The following NAV3 variants were observed in gnomAD, a reference collection of about 807,000 sequenced individuals.
NAV3 encodes neuron navigator 3.
NAV3 carries 87 observed loss-of-function variants against 244.7 expected under a neutral mutation model. The observed-to-expected ratio is 0.36, with a 90% CI of 0.30 to 0.42. The LOEUF (loss-of-function observed/expected upper bound fraction) is 0.42, where lower values mean the gene tolerates loss of function less well. Ranked by LOEUF, NAV3 falls within the 20% of genes least tolerant of loss-of-function variation. The probability of loss-of-function intolerance (pLI) is 1.00; values close to 1 mark genes in which losing one functional copy is unlikely to be tolerated. For missense variants in NAV3, 2,663 were observed against 2,893.3 expected (o/e 0.92, Z 1.83); for synonymous variants, 1,126 against 1,042.2 (o/e 1.08, Z -1.55).
In NAV3 at chr12:78,088,558, TAAAA is replaced by T. The variant is rs111494718; in HGVS notation, c.2637-28210_2637-28207del. On this transcript the variant is annotated intron_variant, in intron 12 of 39. Transcript: ENST00000397909. ...TAGTGTCCTCATTCTAAAGGAAAAA[TAAAA>T]AAATCTTCATTCTACTTGTTTCTTC... 8.4e-3 allele frequency among the ~76,000 whole-genome samples: 1,277 copies of T among 152,086 alleles called. 16 individuals carry two copies. The highest frequency in any genetic ancestry group is 0.028 in the African/African-American group (1,166 of 41,502).
intron 18 of NAV3, among the ~76,000 whole-genome samples, chr12:78,132,290 T>G (rs564209097): frequency 6.6e-6 from 1 of 152,292 alleles, no homozygotes; most frequent in South Asian, 2.1e-4. Context: ...TCTAATGAAT[T>G]AGAAAACCAC....
chr12:77,926,818 G>A (rs578141303), intron 1 of NAV3, among the ~76,000 whole-genome samples: 5 of 152,262 alleles, frequency 3.3e-5, no homozygotes, highest in African/African-American at 9.6e-5. Flanking sequence ...TGAGAACTAC[G>A]GTCTACGCTA....
At chr12:77,797,696 C>G (rs1292363583) in intron 2 of NAV3, among the ~76,000 whole-genome samples, 1 of 150,400 alleles carries the variant, frequency 6.6e-6, no homozygotes, top group Non-Finnish European at 1.5e-5. Context: ...CAACAATTAG[C>G]CAGGGGTGGT....
intron 5 of NAV3, among the ~76,000 whole-genome samples, chr12:77,972,141 T>C (rs534964464): frequency 1.3e-5 from 2 of 152,276 alleles, no homozygotes; most frequent in African/African-American, 4.8e-5. Flanking sequence ...TTTGAGTGTA[T>C]GTATCTATAG....
chr12:77,996,290 A>G (rs1255697997), intron 6 of NAV3, among the ~76,000 whole-genome samples: 2 of 152,146 alleles, frequency 1.3e-5, no homozygotes, highest in Non-Finnish European at 2.9e-5. Context: ...GGTTCCTTCA[A>G]CAGAGTGCAA....
At chr12:77,969,537 A>G (rs1329685646) in intron 5 of NAV3, among the ~76,000 whole-genome samples, 1 of 152,140 alleles carries the variant, frequency 6.6e-6, no homozygotes, top group African/African-American at 2.4e-5. Context: ...AGGAAGCCTC[A>G]GTTCTGCTTT....
At chr12:77,745,862 T>A (rs1868511587) in intron 2 of NAV3, among the ~76,000 whole-genome samples, 1 of 151,590 alleles carries the variant, frequency 6.6e-6, no homozygotes, top group Admixed American at 6.6e-5. Context: ...GGAATAACAG[T>A]GAACTCTCAA....
At chr12:77,927,434 G>C (rs1296019388) in intron 1 of NAV3, among the ~76,000 whole-genome samples, 1 of 152,182 alleles carries the variant, frequency 6.6e-6, no homozygotes, top group African/African-American at 2.4e-5. Context: ...GAAAGTATGG[G>C]TTCTATGTAG....
At chr12:77,643,213 C>T (rs116532507) in intron 2 of NAV3, among the ~76,000 whole-genome samples, 3,912 of 151,972 alleles carry the variant, frequency 0.026, 172 homozygotes, top group African/African-American at 0.088. Flanking sequence ...GCTTTAGTCT[C>T]GTATATTAGT....
chr12:77,914,369 C>T (rs1187095162), intron 1 of NAV3, among the ~76,000 whole-genome samples: 1 of 152,046 alleles, frequency 6.6e-6, no homozygotes, highest in Admixed American at 6.6e-5. Context: ...ATTTATACTG[C>T]TTGTGCTTCA....
At position 78,007,064 on chromosome 12, in the gene NAV3, G is replaced by A. The variant is rs1240284864; in HGVS notation, c.1526G>A (p.Gly509Asp). 3.1e-6 allele frequency: 5 copies of A among 1,614,034 alleles called. No individual in the cohort carries two copies. Among genetic ancestry groups the A allele is most frequent in the African/African-American group, 2.7e-5 (2 of 74,924 alleles). The change falls in exon 8 of 40, where the codon GGC (glycine) becomes GAC (aspartate). Residue 509 changes from glycine to aspartate, a missense_variant. Around this residue, in one of 6 missense-constraint regions of NAV3, gnomAD observed 1,521 missense variants for 1,497.0 expected, o/e 1.02. Coordinates refer to ENST00000397909, the MANE Select transcript of NAV3 (RefSeq NM_001024383.2). ...AAAATTGCAAGCTTGATCCCTAAGG[G>A]CAGCAAGACAACAGCAGCTAAGAAG... ...TSKIASLIPK[G>D]SKTTAAKKES...
intron 1 of NAV3, among the ~76,000 whole-genome samples, chr12:77,837,934 G>A (rs1290442282): frequency 2.0e-5 from 3 of 152,144 alleles, no homozygotes; most frequent in Non-Finnish European, 1.5e-5. Context: ...TAGATCACTG[G>A]CTCTGGCCTC....
chr12:77,615,517 G>T (rs959101228), intron 2 of NAV3, among the ~76,000 whole-genome samples: 1 of 152,118 alleles, frequency 6.6e-6, no homozygotes, highest in Non-Finnish European at 1.5e-5. Context: ...ATGATCTCCA[G>T]CTGCATCCTT....
chr12:77,972,121 C>A (rs1893044340), intron 5 of NAV3, among the ~76,000 whole-genome samples: 1 of 152,110 alleles, frequency 6.6e-6, no homozygotes, highest in Non-Finnish European at 1.5e-5. Context: ...CTCTCAGCTC[C>A]CTCTCCACCT....
At chr12:78,190,462 T>A (rs142692806) in intron 34 of NAV3, among the ~76,000 whole-genome samples, 39 of 152,126 alleles carry the variant, frequency 2.6e-4, no homozygotes, top group African/African-American at 9.1e-4. Context: ...CAGAATAATA[T>A]GACAGGTCTC....
At chr12:77,620,730 G>C (rs941157423) in intron 2 of NAV3, among the ~76,000 whole-genome samples, 1 of 152,118 alleles carries the variant, frequency 6.6e-6, no homozygotes, top group Non-Finnish European at 1.5e-5. Context: ...CCAAAGTGCT[G>C]GGATTGCAGG....
At chr12:77,598,007 A>C (rs1020291137) in intron 2 of NAV3, among the ~76,000 whole-genome samples, 2 of 152,088 alleles carry the variant, frequency 1.3e-5, no homozygotes, top group Non-Finnish European at 2.9e-5. Flanking sequence ...ACACTGAAAA[A>C]AATACATCCC....
At position 77,758,292 on chromosome 12, in the gene NAV3, TC is replaced by T. The variant is rs1869287462; in HGVS notation, c.73-182026del. On this transcript the variant is annotated intron_variant, in intron 2 of 8. Coordinates refer to the NAV3 transcript ENST00000550042. Reference sequence around the variant, plus strand: ...TTGTTGTTTACTGATTTATGCATTGTCTTCCCTCTAGAATTTAAACTCCAAA... The same window carrying T: ...TTGTTGTTTACTGATTTATGCATTGTTTCCCTCTAGAATTTAAACTCCAAA... Among the ~76,000 whole-genome samples, 3 of 152,288 alleles carry T rather than the reference TC, an allele frequency of 2.0e-5. No individual in the cohort carries two copies. The South Asian group carries it at 6.2e-4, about 32-fold the overall frequency.
intron 2 of NAV3, among the ~76,000 whole-genome samples, chr12:77,766,488 GCTGT>G (rs1869758014): frequency 6.6e-6 from 1 of 152,064 alleles, no homozygotes; most frequent in Non-Finnish European, 1.5e-5. Flanking sequence ...TCATCAACTT[GCTGT>G]CTAATGTGGA....
Sources: allele counts gnomAD v4.1 joint callset (sites outside exome capture counted in the v4.1 genomes callset), GRCh38; gene constraint gnomAD v4.1.1; regional missense constraint gnomAD v4.1.1; transcripts MANE v1.5; gene names NCBI Gene and HGNC (gene_info 2026-07-23, HGNC 2026-07-21).